DENND4C: variants seen among roughly 807,000 people sequenced by gnomAD.
The protein encoded by DENND4C is DENN domain-containing protein 4C.
In DENND4C, 108 loss-of-function variants were observed where a neutral mutation model predicts 203.0. That is an observed-to-expected ratio of 0.53 (90% confidence interval 0.46 to 0.62). The LOEUF is 0.62. DENND4C is among the 20% of genes least tolerant of loss of function. DENND4C has a pLI of 0.00. For synonymous variants in DENND4C, 871 were observed against 792.4 expected, an observed-to-expected ratio of 1.10 and a Z score of -1.67; for missense variants, 2,481 against 2,301.2, an observed-to-expected ratio of 1.08 and a Z score of -1.60.
chr9:19,356,788 T>TGTGTGAGAGAGAGA (rs1266119304), intron 26 of DENND4C, among the ~76,000 whole-genome samples, 184 bp from the exon 27 acceptor site: 69 of 140,408 alleles, frequency 4.9e-4, no homozygotes, highest in African/African-American at 1.8e-3. Flanking sequence ...TGTGTGTGTG[T>TGTGTGAGAGAGAGA]GAGAGAGAGA....
At chr9:19,305,638 G>A (rs780308295) in intron 10 of DENND4C, 111 bp downstream of exon 10, 108 of 1,114,904 alleles carry the variant, frequency 9.7e-5, no homozygotes, top group Non-Finnish European at 1.3e-4. Context: ...TTAAATCTTC[G>A]TCTTAAATAC....
intron 1 of DENND4C, among the ~76,000 whole-genome samples, chr9:19,233,687 G>C (rs950676665): frequency 7.6e-6 from 1 of 131,760 alleles, no homozygotes. Context: ...CTGCCTCCCA[G>C]ATGCAAGCGA....
chr9:19,274,181 T>C (rs1001679227), intron 1 of DENND4C, among the ~76,000 whole-genome samples: 3 of 152,036 alleles, frequency 2.0e-5, no homozygotes, highest in Non-Finnish European at 2.9e-5. Flanking sequence ...ATGAGTCTAC[T>C]TATTATATAA....
At chr9:19,266,737 T>G (rs906186454) in intron 1 of DENND4C, among the ~76,000 whole-genome samples, 3 of 152,214 alleles carry the variant, frequency 2.0e-5, no homozygotes, top group African/African-American at 7.2e-5. Flanking sequence ...AAGGATTCCT[T>G]ATTTAATAAA....
chr9:19,370,692 G>A (rs1828665394), intron 31 of DENND4C, among the ~76,000 whole-genome samples: 1 of 152,182 alleles, frequency 6.6e-6, no homozygotes, highest in Non-Finnish European at 1.5e-5. Flanking sequence ...AGAGATAGAC[G>A]CAGTGAACTA....
intron 16 of DENND4C, among the ~76,000 whole-genome samples, chr9:19,328,657 G>GTCTATCTGTCTA (rs1818387478): frequency 8.4e-6 from 1 of 119,306 alleles, no homozygotes; most frequent in African/African-American, 3.6e-5. Flanking sequence ...CTGTCTGTCT[G>GTCTATCTGTCTA]TCTATCTATC....
chr9:19,308,723 A>G (rs1200444696), intron 10 of DENND4C, among the ~76,000 whole-genome samples: 2 of 152,038 alleles, frequency 1.3e-5, no homozygotes, highest in Non-Finnish European at 2.9e-5. Flanking sequence ...TGTATATGAG[A>G]TATTTTGCCT....
intron 2 of DENND4C, among the ~76,000 whole-genome samples, chr9:19,279,397 C>T (rs981219871): frequency 2.0e-5 from 3 of 149,246 alleles, no homozygotes; most frequent in African/African-American, 7.4e-5. Flanking sequence ...AGCAAGGGCC[C>T]GGTGTGGTGG....
At chr9:19,236,621 C>G (rs1036683108) in intron 1 of DENND4C, among the ~76,000 whole-genome samples, 1 of 152,098 alleles carries the variant, frequency 6.6e-6, no homozygotes, top group Non-Finnish European at 1.5e-5. Context: ...TGAGTGAGAC[C>G]GCAGGTTCAT....
intron 30 of DENND4C, among the ~76,000 whole-genome samples, chr9:19,369,540 G>A (rs1173958925): frequency 6.6e-6 from 1 of 152,084 alleles, no homozygotes; most frequent in Non-Finnish European, 1.5e-5. Flanking sequence ...ACTTTGGGAG[G>A]CAGATTGCTT....
At chr9:19,259,222 C>A (rs1215599444) in intron 1 of DENND4C, among the ~76,000 whole-genome samples, 1 of 151,998 alleles carries the variant, frequency 6.6e-6, no homozygotes, top group African/African-American at 2.4e-5. Context: ...TATGCATTAA[C>A]CGTCTCCATT....
chr9:19,313,157 T>C (rs1325712221), intron 10 of DENND4C, among the ~76,000 whole-genome samples: 1 of 152,234 alleles, frequency 6.6e-6, no homozygotes, highest in African/African-American at 2.4e-5. Context: ...TATGTTCCTT[T>C]AATGATTCCT....
chr9:19,370,187 G>A, intron 31 of DENND4C, 200 bp downstream of exon 31: 1 of 607,220 alleles, frequency 1.6e-6, no homozygotes, highest in Non-Finnish European at 2.7e-6. Context: ...GCTTGGCACG[G>A]TGGCTCACAC....
intron 18 of DENND4C, among the ~76,000 whole-genome samples, chr9:19,335,306 A>G (rs550306465): frequency 1.6e-4 from 24 of 152,268 alleles, no homozygotes; most frequent in African/African-American, 5.5e-4. Flanking sequence ...ATATTGTGGA[A>G]TGGCTCAATC....
intron 1 of DENND4C, among the ~76,000 whole-genome samples, chr9:19,248,480 C>T (rs928322493): frequency 3.9e-5 from 6 of 152,140 alleles, no homozygotes; most frequent in African/African-American, 7.2e-5. Context: ...ACCTCCGCCT[C>T]CTGGGTTCAA....
At chr9:19,266,487 C>A (rs1357063154) in intron 1 of DENND4C, among the ~76,000 whole-genome samples, 1 of 152,152 alleles carries the variant, frequency 6.6e-6, no homozygotes, top group African/African-American at 2.4e-5. Context: ...TCAATTTTGG[C>A]TTTTGTTGCA....
At chr9:19,237,932 T>TA (rs1472200171) in intron 1 of DENND4C, among the ~76,000 whole-genome samples, 1 of 152,190 alleles carries the variant, frequency 6.6e-6, no homozygotes, top group African/African-American at 2.4e-5. Flanking sequence ...CAGAGTAAAT[T>TA]ACTGCAAAGT....
chr9:19,234,827 C>T (rs1322816125), intron 1 of DENND4C, among the ~76,000 whole-genome samples: 1 of 151,904 alleles, frequency 6.6e-6, no homozygotes, highest in African/African-American at 2.4e-5. Flanking sequence ...CAGGCGTGAG[C>T]CACTTTGTCT....
chr9:19,266,674 A>G (rs1430645835), intron 1 of DENND4C, among the ~76,000 whole-genome samples: 1 of 152,208 alleles, frequency 6.6e-6, no homozygotes, highest in Non-Finnish European at 1.5e-5. Flanking sequence ...ATAATACCAC[A>G]CATCTACAAC....
Sources: allele counts gnomAD v4.1 joint callset (sites outside exome capture counted in the v4.1 genomes callset), GRCh38; gene constraint gnomAD v4.1.1; transcripts MANE v1.5; gene names NCBI Gene and HGNC (gene_info 2026-07-23, HGNC 2026-07-21).